SCHIP1: variants seen among roughly 807,000 people sequenced by gnomAD.
The protein encoded by SCHIP1 is schwannomin-interacting protein 1.
A neutral mutation model predicts 29.7 loss-of-function variants in SCHIP1; 8 were observed. The ratio of observed to expected loss-of-function variants is 0.27; its 90% CI spans 0.16 to 0.49. The LOEUF (loss-of-function observed/expected upper bound fraction) is 0.49, where lower values mean the gene tolerates loss of function less well. Ranked by LOEUF, SCHIP1 falls within the 20% of genes least tolerant of loss-of-function variation. The pLI is 0.99. For missense variants in SCHIP1, 193 were observed against 294.6 expected (o/e 0.66, Z 2.52); for synonymous variants, 76 against 94.9 (o/e 0.80, Z 1.16).
the SCHIP1 span, among the ~76,000 whole-genome samples, chr3:159,394,569 T>C: frequency 6.6e-6 from 1 of 152,218 alleles, no homozygotes; most frequent in Non-Finnish European, 1.5e-5. Context: ...TCTATTGAAA[T>C]AATCATGTGG....
At chr3:159,520,679 G>T in the SCHIP1 span, among the ~76,000 whole-genome samples, 1 of 152,048 alleles carries the variant, frequency 6.6e-6, no homozygotes. Context: ...GTATTTCCCC[G>T]CATCAAGTGC....
the SCHIP1 span, among the ~76,000 whole-genome samples, chr3:159,582,683 A>T: frequency 6.6e-6 from 1 of 151,820 alleles, no homozygotes; most frequent in South Asian, 2.1e-4. Context: ...AATATATATA[A>T]TTAGCTTAAT....
At chr3:159,776,309 C>G in the SCHIP1 span, among the ~76,000 whole-genome samples, 1 of 143,638 alleles carries the variant, frequency 7.0e-6, no homozygotes, top group Non-Finnish European at 1.5e-5. Flanking sequence ...TTATTTTGAA[C>G]AACTACATCT....
the SCHIP1 span, among the ~76,000 whole-genome samples, chr3:159,721,251 T>C: frequency 5.9e-5 from 9 of 152,194 alleles, no homozygotes; most frequent in African/African-American, 2.2e-4. Context: ...GAACAAATGT[T>C]AAGAGAAAAC....
At chr3:159,277,823 G>A in the SCHIP1 span, among the ~76,000 whole-genome samples, 3 of 151,832 alleles carry the variant, frequency 2.0e-5, no homozygotes, top group Admixed American at 2.0e-4. Context: ...ACTGAAGCAG[G>A]CGAATCACTT....
chr3:159,749,463 GT>G, the SCHIP1 span, among the ~76,000 whole-genome samples: 1 of 152,118 alleles, frequency 6.6e-6, no homozygotes, highest in Non-Finnish European at 1.5e-5. Flanking sequence ...AAGCTGTGAG[GT>G]TTCCATTGGG....
the SCHIP1 span, among the ~76,000 whole-genome samples, chr3:159,306,078 A>G: frequency 1.3e-5 from 2 of 150,398 alleles, no homozygotes; most frequent in African/African-American, 4.9e-5. Flanking sequence ...TCAGCAATGC[A>G]GAAAGAAACC....
chr3:159,329,815 C>G, the SCHIP1 span, among the ~76,000 whole-genome samples: 1 of 151,956 alleles, frequency 6.6e-6, no homozygotes, highest in Non-Finnish European at 1.5e-5. Flanking sequence ...ATTGAAAACT[C>G]TCAACTAGAA....
chr3:159,578,976 G>T, the SCHIP1 span, among the ~76,000 whole-genome samples: 7,649 of 152,146 alleles, frequency 0.05, 522 homozygotes, highest in African/African-American at 0.15. Context: ...TCTTGGCGGG[G>T]ATTTTGTCTA....
At chr3:159,531,701 C>G in the SCHIP1 span, among the ~76,000 whole-genome samples, 1 of 152,148 alleles carries the variant, frequency 6.6e-6, no homozygotes. Context: ...ATTATCCTTG[C>G]CTAAGAGCAA....
At chr3:159,293,649 C>T in the SCHIP1 span, among the ~76,000 whole-genome samples, 2 of 152,180 alleles carry the variant, frequency 1.3e-5, no homozygotes, top group African/African-American at 4.8e-5. Context: ...CAAAAGGAAT[C>T]TCAGACAAAT....
At chr3:159,891,221 A>G (rs1355296223) in intron 5 of SCHIP1, among the ~76,000 whole-genome samples, 3 of 152,124 alleles carry the variant, frequency 2.0e-5, no homozygotes, top group Non-Finnish European at 2.9e-5. Flanking sequence ...AATACAAAAA[A>G]TTAGCCAGGC....
At chr3:159,874,503 TG>T (rs994369959) in intron 2 of SCHIP1, among the ~76,000 whole-genome samples, 27 of 151,944 alleles carry the variant, frequency 1.8e-4, no homozygotes, top group African/African-American at 6.5e-4. Context: ...GGGCAAGGAG[TG>T]GGGGGCACCC....
the SCHIP1 span, among the ~76,000 whole-genome samples, chr3:159,458,262 T>C: frequency 1.3e-5 from 2 of 152,162 alleles, no homozygotes; most frequent in East Asian, 3.9e-4. Context: ...CAGGAACAGG[T>C]GACCACGCCT....
the SCHIP1 span, among the ~76,000 whole-genome samples, chr3:159,297,086 A>G: frequency 1.4e-5 from 2 of 147,350 alleles, no homozygotes; most frequent in South Asian, 2.2e-4. Context: ...TGTTGTTGTA[A>G]GTGGTATGAC....
the SCHIP1 span, among the ~76,000 whole-genome samples, chr3:159,364,189 C>T: frequency 4.6e-5 from 7 of 152,170 alleles, no homozygotes; most frequent in South Asian, 6.2e-4. Flanking sequence ...ATAAGAACTG[C>T]GTATTAGGGA....
chr3:159,344,160 A>G, the SCHIP1 span, among the ~76,000 whole-genome samples: 3 of 151,996 alleles, frequency 2.0e-5, no homozygotes, highest in African/African-American at 4.8e-5. Context: ...TGTCTCTACT[A>G]AAAGTACAAA....
At chr3:159,665,531 T>G in the SCHIP1 span, among the ~76,000 whole-genome samples, 1 of 149,894 alleles carries the variant, frequency 6.7e-6, no homozygotes, top group African/African-American at 2.5e-5. Context: ...TTGTGGTGGT[T>G]TTTTGTTTTT....
At chr3:159,770,833 A>G in the SCHIP1 span, among the ~76,000 whole-genome samples, 1 of 152,174 alleles carries the variant, frequency 6.6e-6, no homozygotes. Flanking sequence ...GAGCAAGGAG[A>G]TCACTTGTCA....
Sources: gnomAD v4.1 joint callset for allele counts (sites outside exome capture counted in the v4.1 genomes callset) on GRCh38, gnomAD v4.1.1 for gene constraint, MANE v1.5 for transcripts, NCBI Gene and HGNC (gene_info 2026-07-23, HGNC 2026-07-21) for gene names.